Variants in AUTS2 observed in about 807,000 individuals in gnomAD.
AUTS2 encodes the protein activator of transcription and developmental regulator AUTS2.
Under a neutral mutation model 112.4 loss-of-function variants are expected in AUTS2, and 17 were observed. That is an observed-to-expected ratio of 0.15 (90% CI 0.10 to 0.23). The LOEUF is 0.23. Among genes scored for constraint, AUTS2 ranks in the 10% least tolerant of loss-of-function variants. The probability of loss-of-function intolerance (pLI) is 1.00; values close to 1 mark genes in which losing one functional copy is unlikely to be tolerated. For synonymous variants in AUTS2, 751 were observed against 702.7 expected, an observed-to-expected ratio of 1.07 and a Z score of -1.09; for missense variants, 1,510 against 1,701.6, an observed-to-expected ratio of 0.89 and a Z score of 1.98.
chr7:70,702,164 T>C (rs1427044042), intron 6 of AUTS2, among the ~76,000 whole-genome samples: 3 of 152,200 alleles, frequency 2.0e-5, no homozygotes, highest in African/African-American at 7.2e-5. Context: ...CTTGGATTGC[T>C]CCAGAGCAGA....
chr7:69,770,895 A>G (rs891169416), intron 1 of AUTS2, among the ~76,000 whole-genome samples: 8 of 152,198 alleles, frequency 5.3e-5, no homozygotes, highest in Non-Finnish European at 1.2e-4. Context: ...ACACCAGTAA[A>G]TTGCACTTAA....
intron 2 of AUTS2, among the ~76,000 whole-genome samples, chr7:70,069,083 A>G (rs1802633669): frequency 6.6e-6 from 1 of 152,180 alleles, no homozygotes; most frequent in Non-Finnish European, 1.5e-5. Flanking sequence ...AGCTGATCTC[A>G]TGGCCTACCA....
intron 2 of AUTS2, among the ~76,000 whole-genome samples, chr7:70,017,805 TTATGTA>T (rs1800097065): frequency 6.7e-6 from 1 of 149,336 alleles, no homozygotes. Flanking sequence ...TTGTATATGT[TTATGTA>T]TATTTATAAA....
chr7:70,448,432 T>C (rs1796404629), intron 5 of AUTS2, among the ~76,000 whole-genome samples: 1 of 152,148 alleles, frequency 6.6e-6, no homozygotes, highest in African/African-American at 2.4e-5. Flanking sequence ...ACACTAAGAA[T>C]TGTCCTCCCT....
chr7:70,426,620 G>C (rs555200904), intron 4 of AUTS2, among the ~76,000 whole-genome samples: 1 of 152,132 alleles, frequency 6.6e-6, no homozygotes, highest in East Asian at 1.9e-4. Flanking sequence ...TCATCAAGTC[G>C]GGCCTCAGAA....
intron 4 of AUTS2, among the ~76,000 whole-genome samples, chr7:70,399,153 AT>A (rs1234137496): frequency 1.3e-5 from 2 of 149,346 alleles, no homozygotes; most frequent in African/African-American, 4.9e-5. Context: ...TGCCTGGCTG[AT>A]TTTTTTTTCT....
At chr7:70,674,025 G>A (rs1219261769) in intron 5 of AUTS2, among the ~76,000 whole-genome samples, 2 of 152,100 alleles carry the variant, frequency 1.3e-5, no homozygotes, top group African/African-American at 4.8e-5. Context: ...AGGTAGGAGG[G>A]GATCTGAACC....
chr7:70,652,622 C>T (rs934892106), intron 5 of AUTS2, among the ~76,000 whole-genome samples: 12 of 152,110 alleles, frequency 7.9e-5, no homozygotes, highest in South Asian at 2.1e-4. Flanking sequence ...TGGTGGCGTG[C>T]GCCTGTAGTC....
intron 5 of AUTS2, among the ~76,000 whole-genome samples, chr7:70,673,906 C>T (rs1807775311): frequency 6.6e-6 from 1 of 152,198 alleles, no homozygotes; most frequent in South Asian, 2.1e-4. Flanking sequence ...CCTGCAGGCA[C>T]ATTAGATAAA....
At chr7:70,291,835 T>A (rs1788720984) in intron 4 of AUTS2, 1 of 152,176 alleles carries the variant, frequency 6.6e-6, no homozygotes, top group African/African-American at 2.4e-5. Context: ...GATTATTTTA[T>A]AAATATGAAG....
chr7:69,790,397 T>C (rs1287880179), intron 1 of AUTS2, among the ~76,000 whole-genome samples: 1 of 152,058 alleles, frequency 6.6e-6, no homozygotes, highest in Non-Finnish European at 1.5e-5. Context: ...GAAAGGGTGT[T>C]TAGGGAAGGG....
chr7:70,096,391 G>A (rs1804200845), intron 2 of AUTS2, among the ~76,000 whole-genome samples: 1 of 151,896 alleles, frequency 6.6e-6, no homozygotes, highest in African/African-American at 2.4e-5. Context: ...AAGGTCAGGA[G>A]TTGGAGACCA....
intron 1 of AUTS2, among the ~76,000 whole-genome samples, chr7:69,671,030 G>A (rs551915373): frequency 1.2e-4 from 18 of 152,234 alleles, no homozygotes; most frequent in Non-Finnish European, 2.2e-4. Flanking sequence ...TAGGTAGAAT[G>A]TTGGCACCTG....
At chr7:70,365,799 T>A (rs1792542751) in intron 4 of AUTS2, among the ~76,000 whole-genome samples, 1 of 152,240 alleles carries the variant, frequency 6.6e-6, no homozygotes, top group Non-Finnish European at 1.5e-5. Context: ...CAGTGCTGTT[T>A]TGATGACAAC....
At chr7:69,797,933 T>A (rs968297346) in intron 1 of AUTS2, among the ~76,000 whole-genome samples, 1 of 152,166 alleles carries the variant, frequency 6.6e-6, no homozygotes, top group Non-Finnish European at 1.5e-5. Flanking sequence ...ACTTGTATAG[T>A]GAGAGCATCA....
intron 2 of AUTS2, among the ~76,000 whole-genome samples, chr7:69,996,483 C>G (rs1798946520): frequency 6.6e-6 from 1 of 152,080 alleles, no homozygotes; most frequent in Non-Finnish European, 1.5e-5. Context: ...TAGCCAGAGT[C>G]AATAATTATT....
At chr7:69,902,691 G>T (rs1795013856) in intron 2 of AUTS2, among the ~76,000 whole-genome samples, 1 of 152,126 alleles carries the variant, frequency 6.6e-6, no homozygotes, top group South Asian at 2.1e-4. Context: ...TACTCGGAGG[G>T]TGCAATTATA....
At chr7:69,869,359 T>G (rs1489697262) in intron 1 of AUTS2, among the ~76,000 whole-genome samples, 1 of 152,180 alleles carries the variant, frequency 6.6e-6, no homozygotes, top group Non-Finnish European at 1.5e-5. Context: ...TTGAAATTCC[T>G]GGCTCATTTT....
intron 5 of AUTS2, among the ~76,000 whole-genome samples, chr7:70,442,943 A>G (rs1257768406): frequency 6.6e-6 from 1 of 152,184 alleles, no homozygotes; most frequent in Non-Finnish European, 1.5e-5. Flanking sequence ...CATACATCCC[A>G]AATACACATT....
Sources: allele counts gnomAD v4.1 joint callset (sites outside exome capture counted in the v4.1 genomes callset), GRCh38; gene constraint gnomAD v4.1.1; transcripts MANE v1.5; gene names NCBI Gene and HGNC (gene_info 2026-07-23, HGNC 2026-07-21).